Variants in CCDC81 observed in about 807,000 individuals in gnomAD.
The protein encoded by CCDC81 is coiled-coil domain-containing protein 81.
In CCDC81, 79 loss-of-function variants were observed where a neutral mutation model predicts 83.7. The observed-to-expected ratio is 0.94, with a 90% confidence interval of 0.79 to 1.14. CCDC81 has a LOEUF of 1.14. Among genes scored for constraint, CCDC81 ranks in the 50% most tolerant of loss-of-function variants. The probability of loss-of-function intolerance (pLI) is 0.00; values close to 1 mark genes in which losing one functional copy is unlikely to be tolerated. For missense variants in CCDC81, 791 were observed against 778.1 expected, an observed-to-expected ratio of 1.02 and a Z score of -0.20; for synonymous variants, 252 against 278.1, an observed-to-expected ratio of 0.91 and a Z score of 0.93.
At chr11:86,414,625 C>T in intron 11 of CCDC81, 164 bp from the exon 12 acceptor site, 1 of 594,696 alleles carries the variant, frequency 1.7e-6, no homozygotes. Flanking sequence ...ATTTGAATTA[C>T]TCTTTTCTTT....
rs780001823 is a variant in CCDC81, at chr11:86,395,354, G to T, written c.576G>T (p.Ser192=). The T allele has an allele frequency of 8.1e-6, 13 of 1,613,806 alleles. No individual in the cohort carries two copies. Among genetic ancestry groups the T allele is most frequent in the Non-Finnish European group, 1.1e-5 (13 of 1,179,908 alleles). The change falls in exon 5 of 15, where the codon TCG becomes TCT. Residue 192 remains serine, a synonymous_variant. Coordinates refer to ENST00000445632, the MANE Select transcript of CCDC81 (RefSeq NM_001156474.2). ...TCTAGAGGCCTGGCACTGTGGACTC[G>T]GTGTTGTCTAGCAGAGAGGCCTTGA... ...ALANRPGTVD[S]VLSSREALRK...
chr11:86,382,985 A>G (rs753476227), intron 1 of CCDC81, among the ~76,000 whole-genome samples: 1 of 152,250 alleles, frequency 6.6e-6, no homozygotes, highest in Non-Finnish European at 1.5e-5. Flanking sequence ...ACTATTTATT[A>G]CCTTTCACAA....
chr11:86,414,556 T>G, intron 11 of CCDC81: 1 of 446,264 alleles, frequency 2.2e-6, no homozygotes, highest in East Asian at 4.0e-5. Flanking sequence ...ATCTGCCCAC[T>G]TCAGCCTCCC....
chr11:86,415,039 A>T (rs1392418556), intron 12 of CCDC81, 54 bp from the exon 13 acceptor site: 1 of 1,584,692 alleles, frequency 6.3e-7, no homozygotes, highest in Admixed American at 1.7e-5. Context: ...GGTTGTGCAT[A>T]AAGCTTATTC....
chr11:86,412,848 G>A (rs944181458), intron 11 of CCDC81, among the ~76,000 whole-genome samples: 11 of 152,158 alleles, frequency 7.2e-5, no homozygotes, highest in Non-Finnish European at 1.5e-4. Context: ...GTATCTAGGG[G>A]TGAATGTTTA....
chr11:86,377,965 G>GTTTTTTTT (rs368831070), intron 1 of CCDC81, among the ~76,000 whole-genome samples: 25 of 14,814 alleles, frequency 1.7e-3, no homozygotes, highest in East Asian at 2.8e-3. Flanking sequence ...CTGTGCCTAG[G>GTTTTTTTT]TTCTTTTTTT....
chr11:86,405,785 C>CTT (rs146946869), intron 7 of CCDC81, among the ~76,000 whole-genome samples: 3 of 128,622 alleles, frequency 2.3e-5, no homozygotes, highest in African/African-American at 8.6e-5. Context: ...CTTCTTTTTT[C>CTT]TTTTTTTTTT....
At position 86,412,537 on chromosome 11, in the gene CCDC81, G is replaced by C. The variant is rs765032186; in HGVS notation, c.1369G>C (p.Glu457Gln). The change falls in exon 11 of 15, where the codon GAA becomes CAA. Residue 457 changes from glutamate to glutamine, a missense_variant. Coordinates refer to ENST00000445632, the MANE Select transcript of CCDC81 (RefSeq NM_001156474.2). Reference sequence around the variant, plus strand: ...ATACAGAGAGTTGATGGACCGCCTGGAACAAGTGCAACTCACAGAGGAGTG... The same window carrying C: ...ATACAGAGAGTTGATGGACCGCCTGCAACAAGTGCAACTCACAGAGGAGTG... Reference protein sequence around the residue: ...RQYRELMDRLEQVQLTEELAA... With the variant: ...RQYRELMDRLQQVQLTEELAA... 6.2e-7 allele frequency: 1 copy of C among 1,610,428 alleles called. No homozygotes were observed.
intron 4 of CCDC81, among the ~76,000 whole-genome samples, chr11:86,394,681 A>C (rs1371488545): frequency 6.6e-6 from 1 of 152,178 alleles, no homozygotes; most frequent in Non-Finnish European, 1.5e-5. Context: ...TTCACTTCAA[A>C]GGCTTTTGTA....
intron 7 of CCDC81, among the ~76,000 whole-genome samples, chr11:86,403,896 A>AG (rs1565766151): frequency 6.6e-6 from 1 of 152,194 alleles, no homozygotes; most frequent in Admixed American, 6.5e-5. Flanking sequence ...GGATTAGTTA[A>AG]GGGAGGTTAA....
At chr11:86,415,842 T>G (rs926625440) in intron 13 of CCDC81, among the ~76,000 whole-genome samples, 2 of 152,096 alleles carry the variant, frequency 1.3e-5, no homozygotes, top group African/African-American at 4.8e-5. Flanking sequence ...CCCAGCTAAT[T>G]TTTAAACTTT....
intron 1 of CCDC81, among the ~76,000 whole-genome samples, chr11:86,381,581 T>C (rs1355767696): frequency 6.6e-6 from 1 of 152,226 alleles, no homozygotes; most frequent in East Asian, 1.9e-4. Context: ...TTCTTGATGC[T>C]GTTTCTGCAT....
Position 86,387,558 on chromosome 11 carries a change from C to CA in CCDC81, c.188dup (p.Leu64AlafsTer2). The CA allele has an allele frequency of 6.2e-7, 1 of 1,613,822 alleles. No homozygotes were observed. Among genetic ancestry groups the CA allele is most frequent in the Non-Finnish European group, 8.5e-7 (1 of 1,179,850 alleles). ...ATTTGGAACTTTCACTTTCATAAGACAAAAGCTTGAGGTGGGAAACAACAA... is the reference window on the plus strand; with the variant it reads ...ATTTGGAACTTTCACTTTCATAAGACAAAAAGCTTGAGGTGGGAAACAACAA... On this transcript the variant is annotated frameshift_variant, in exon 3 of 15. Coordinates refer to ENST00000445632, the MANE Select transcript of CCDC81 (RefSeq NM_001156474.2). LOFTEE classifies it high-confidence loss of function.
intron 1 of CCDC81, among the ~76,000 whole-genome samples, chr11:86,376,744 T>C (rs941407857): frequency 2.0e-5 from 3 of 152,210 alleles, no homozygotes; most frequent in Non-Finnish European, 4.4e-5. Context: ...GACTCTCCCA[T>C]TGTCAACATC....
intron 1 of CCDC81, among the ~76,000 whole-genome samples, chr11:86,377,218 C>A (rs1593903154): frequency 2.0e-5 from 3 of 151,612 alleles, no homozygotes; most frequent in South Asian, 2.1e-4. Context: ...GTCTTGGTTG[C>A]TTCCAAGTTT....
chr11:86,399,255 T>C (rs527634845), intron 6 of CCDC81, among the ~76,000 whole-genome samples: 1 of 152,316 alleles, frequency 6.6e-6, no homozygotes, highest in South Asian at 2.1e-4. Flanking sequence ...CATATGCTTT[T>C]ATTTCTCTAG....
Position 86,392,801 on chromosome 11 carries a change from A to G in CCDC81, c.555+4A>G. 6.5e-7 allele frequency: 1 copy of G among 1,546,396 alleles called. No individual in the cohort carries two copies. Among genetic ancestry groups the G allele is most frequent in the East Asian group, 2.4e-5 (1 of 40,848 alleles). ...TTTGGCAAAGGCCCTAGCAAATGTAAATTAATATTTTCCTTCTCCTAAGTC... is the reference window on the plus strand; with the variant it reads ...TTTGGCAAAGGCCCTAGCAAATGTAGATTAATATTTTCCTTCTCCTAAGTC... On this transcript the variant is annotated splice_donor_region_variant and intron_variant, in intron 4 of 14. Coordinates refer to ENST00000445632, the MANE Select transcript of CCDC81 (RefSeq NM_001156474.2).
chr11:86,396,334 A>G (rs1010669540), intron 5 of CCDC81, among the ~76,000 whole-genome samples: 2 of 152,146 alleles, frequency 1.3e-5, no homozygotes, highest in African/African-American at 4.8e-5. Flanking sequence ...AGAACACTGG[A>G]GTAGGAGTCA....
intron 5 of CCDC81, 58 bp from the exon 6 acceptor site, chr11:86,397,563 T>C (rs1439217352): frequency 6.5e-7 from 1 of 1,544,778 alleles, no homozygotes; most frequent in African/African-American, 1.4e-5. Context: ...ACTTGAGAGT[T>C]CACACAGTTA....
Sources: gnomAD v4.1 joint callset for allele counts (sites outside exome capture counted in the v4.1 genomes callset) on GRCh38, gnomAD v4.1.1 for gene constraint, MANE v1.5 for transcripts, NCBI Gene and HGNC (gene_info 2026-07-23, HGNC 2026-07-21) for gene names.